The following CACNB2 variants were observed in gnomAD, a reference collection of about 807,000 sequenced individuals.
CACNB2 encodes the protein calcium voltage-gated channel auxiliary subunit beta 2.
CACNB2 carries 42 observed loss-of-function variants against 73.3 expected under a neutral mutation model. The ratio of observed to expected loss-of-function variants is 0.57; its 90% confidence interval spans 0.45 to 0.74. The LOEUF (loss-of-function observed/expected upper bound fraction) is 0.74, where lower values mean the gene tolerates loss of function less well. Ranked by LOEUF, CACNB2 falls within the 30% of genes least tolerant of loss-of-function variation. The pLI, the probability that CACNB2 is intolerant of heterozygous loss-of-function variation, is 0.00. For missense variants in CACNB2, 940 were observed against 853.0 expected (o/e 1.10, Z -1.27); for synonymous variants, 348 against 310.3 (o/e 1.12, Z -1.28).
intron 2 of CACNB2, among the ~76,000 whole-genome samples, chr10:18,212,103 A>G (rs1295082857): frequency 6.6e-6 from 1 of 152,026 alleles, no homozygotes; most frequent in East Asian, 1.9e-4. Flanking sequence ...CCTACAACTC[A>G]GTCAATCAGT....
intron 2 of CACNB2, among the ~76,000 whole-genome samples, chr10:18,399,663 G>A (rs983856099): frequency 6.6e-6 from 1 of 151,978 alleles, no homozygotes. Context: ...GGTTACGGTC[G>A]TGAGCCACTG....
intron 2 of CACNB2, among the ~76,000 whole-genome samples, chr10:18,290,116 T>C (rs1466875106): frequency 8.8e-6 from 1 of 114,240 alleles, no homozygotes; most frequent in Non-Finnish European, 1.7e-5. Flanking sequence ...CTTTTTCTTT[T>C]TTTTTTTTTT....
intron 2 of CACNB2, among the ~76,000 whole-genome samples, chr10:18,277,967 A>G (rs2038372365): frequency 1.3e-5 from 2 of 152,204 alleles, no homozygotes; most frequent in Admixed American, 6.5e-5. Context: ...AATTAGACGT[A>G]TATTTTGGCT....
intron 3 of CACNB2, among the ~76,000 whole-genome samples, chr10:18,430,467 A>T (rs1383955790): frequency 6.6e-6 from 1 of 152,154 alleles, no homozygotes; most frequent in Non-Finnish European, 1.5e-5. Context: ...TCTTAAAAAA[A>T]AAAAATTAAT....
At chr10:18,431,233 G>T (rs1380202826) in intron 3 of CACNB2, among the ~76,000 whole-genome samples, 1 of 152,090 alleles carries the variant, frequency 6.6e-6, no homozygotes, top group Non-Finnish European at 1.5e-5. Context: ...CTCCTGCCAT[G>T]GCCTCCCAAA....
At chr10:18,154,967 G>T (rs758289918) in intron 2 of CACNB2, among the ~76,000 whole-genome samples, 23 of 152,142 alleles carry the variant, frequency 1.5e-4, no homozygotes, top group Non-Finnish European at 1.5e-5. Flanking sequence ...AAACCACCCT[G>T]TAGTAATCTG....
intron 2 of CACNB2, among the ~76,000 whole-genome samples, chr10:18,270,191 G>C (rs2131638429): frequency 6.6e-6 from 1 of 152,276 alleles, no homozygotes; most frequent in South Asian, 2.1e-4. Context: ...AGAGAGTAGA[G>C]AGCAAAGGGG....
intron 2 of CACNB2, among the ~76,000 whole-genome samples, chr10:18,302,506 C>G (rs1405076983): frequency 6.6e-6 from 1 of 152,186 alleles, no homozygotes; most frequent in Non-Finnish European, 1.5e-5. Context: ...CAATGGAATA[C>G]TACTCAGACA....
rs145291619 is a variant in CACNB2, at chr10:18,501,693, C to T, written c.593+745C>T. Among the ~76,000 whole-genome samples the T allele has an allele frequency of 9.7e-4, 148 of 152,318 alleles. 3 individuals carry two copies. The East Asian group carries it at 0.025, about 26-fold the overall frequency. ...GGCAAGGCCTTTCTTAAATACGAATCGCTGGATTTCTCTTTTCTCCATCTT... is the reference window on the plus strand; with the variant it reads ...GGCAAGGCCTTTCTTAAATACGAATTGCTGGATTTCTCTTTTCTCCATCTT... On this transcript the variant is annotated intron_variant, in intron 5 of 13. Coordinates refer to ENST00000324631, the MANE Select transcript of CACNB2 (RefSeq NM_201596.3).
intron 2 of CACNB2, among the ~76,000 whole-genome samples, chr10:18,176,836 G>A (rs1224331279): frequency 3.3e-5 from 5 of 151,942 alleles, no homozygotes; most frequent in Admixed American, 1.3e-4. Flanking sequence ...TGTGGGGATA[G>A]TAGTTCACTG....
chr10:18,400,829 T>C, intron 2 of CACNB2: 1 of 1,455,272 alleles, frequency 6.9e-7, no homozygotes, highest in Non-Finnish European at 9.0e-7. Context: ...TTTCAGCCCC[T>C]CCTGGAATGG....
At chr10:18,162,510 G>T (rs1430924730) in intron 2 of CACNB2, among the ~76,000 whole-genome samples, 2 of 152,186 alleles carry the variant, frequency 1.3e-5, no homozygotes, top group Non-Finnish European at 2.9e-5. Context: ...TTCCAGTCAT[G>T]CTGCTTTCTG....
chr10:18,222,397 C>CACACACAT (rs1323986101), intron 2 of CACNB2, among the ~76,000 whole-genome samples: 3 of 104,392 alleles, frequency 2.9e-5, no homozygotes, highest in East Asian at 2.4e-4. Flanking sequence ...TGATTGAAAA[C>CACACACAT]ACACACACAT....
intron 12 of CACNB2, among the ~76,000 whole-genome samples, chr10:18,536,686 A>C (rs1371270322): frequency 6.6e-6 from 1 of 152,154 alleles, no homozygotes; most frequent in Non-Finnish European, 1.5e-5. Context: ...ATGTGTTTTG[A>C]GCACAAGTAA....
chr10:18,513,686 AT>A (rs545051111), intron 6 of CACNB2: 204 of 200,686 alleles, frequency 1.0e-3, no homozygotes, highest in South Asian at 5.3e-3. Context: ...ACAGCAAGTA[AT>A]AAGTCATTAG....
chr10:18,165,289 G>T (rs755494336), intron 2 of CACNB2, among the ~76,000 whole-genome samples: 12 of 152,208 alleles, frequency 7.9e-5, no homozygotes, highest in African/African-American at 2.9e-4. Context: ...GATGGAAAGC[G>T]ATGAGTTCCA....
At chr10:18,436,327 A>G (rs1303930871) in intron 3 of CACNB2, among the ~76,000 whole-genome samples, 2 of 152,220 alleles carry the variant, frequency 1.3e-5, no homozygotes, top group African/African-American at 2.4e-5. Context: ...CTAACCCAGA[A>G]ATTTTGGCAA....
intron 2 of CACNB2, among the ~76,000 whole-genome samples, chr10:18,198,143 T>A (rs897983640): frequency 6.7e-6 from 1 of 148,424 alleles, no homozygotes. Flanking sequence ...TAATATATAT[T>A]ACATATCACA....
At chr10:18,169,400 G>A (rs759629276) in intron 2 of CACNB2, among the ~76,000 whole-genome samples, 1 of 151,916 alleles carries the variant, frequency 6.6e-6, no homozygotes. Context: ...GATTACAAAA[G>A]GCATATAATA....
Sources: allele counts gnomAD v4.1 joint callset (sites outside exome capture counted in the v4.1 genomes callset), GRCh38; gene constraint gnomAD v4.1.1; transcripts MANE v1.5; gene names NCBI Gene and HGNC (gene_info 2026-07-23, HGNC 2026-07-21).